SIK3: variants seen among roughly 807,000 people sequenced by gnomAD.
SIK3 encodes SIK family kinase 3, also known as serine/threonine-protein kinase SIK3.
A neutral mutation model predicts 144.2 loss-of-function variants in SIK3; 28 were observed. That is an observed-to-expected ratio of 0.19 (90% CI 0.14 to 0.27). The LOEUF (loss-of-function observed/expected upper bound fraction) is 0.27. SIK3 is among the 10% of genes least tolerant of loss of function. The pLI is 1.00. For synonymous variants in SIK3, 686 were observed against 676.3 expected (o/e 1.01, Z -0.22); for missense variants, 1,319 against 1,776.0 (o/e 0.74, Z 4.62).
intron 1 of SIK3, among the ~76,000 whole-genome samples, chr11:117,062,006 T>C (rs1953815829): frequency 1.3e-5 from 2 of 151,524 alleles, no homozygotes; most frequent in African/African-American, 2.4e-5. Context: ...GATAGGGCAA[T>C]TGGGTATAGA....
At position 117,045,344 on chromosome 11, in the gene SIK3, G is replaced by C. The variant is rs144018203; in HGVS notation, c.273+52799C>G. Reference sequence around the variant, plus strand: ...ACTACAAGAGTATCAGTTTCAGAATGTAAGCCTCATAAGCTCCCAGGAAAG... The same window carrying C: ...ACTACAAGAGTATCAGTTTCAGAATCTAAGCCTCATAAGCTCCCAGGAAAG... On this transcript the variant is annotated intron_variant, in intron 1 of 24. Coordinates refer to ENST00000445177, the MANE Select transcript of SIK3 (RefSeq NM_001366686.3). 6.0e-3 allele frequency among the ~76,000 whole-genome samples: 915 copies of C among 152,274 alleles called. 9 individuals are homozygous for C. Among genetic ancestry groups the C allele is most frequent in the Non-Finnish European group, 0.01 (692 of 68,032 alleles).
intron 3 of SIK3, among the ~76,000 whole-genome samples, chr11:116,941,408 TAAA>T (rs11339061): frequency 1.3e-4 from 18 of 142,708 alleles, no homozygotes; most frequent in Non-Finnish European, 1.4e-4. Flanking sequence ...TAAAAACATG[TAAA>T]AAAAAAAAAA....
chr11:117,083,109 T>C (rs1192795942), intron 1 of SIK3, among the ~76,000 whole-genome samples: 8 of 152,138 alleles, frequency 5.3e-5, no homozygotes, highest in Non-Finnish European at 1.5e-5. Context: ...TAACAACCAT[T>C]GATGTAACCT....
Position 117,013,557 on chromosome 11 carries a change from A to T in SIK3, c.274-56493T>A, listed in dbSNP as rs183142102. 4.2e-3 allele frequency among the ~76,000 whole-genome samples: 634 copies of T among 152,318 alleles called. 3 individuals carry two copies. Among genetic ancestry groups the T allele is most frequent in the Middle Eastern group, 0.02 (6 of 294 alleles). On this transcript the variant is annotated intron_variant, in intron 1 of 24. Transcript: ENST00000445177. ...TGTATTTTTTTGAAAAACTAAGTTAAAACTTTTATTGTAAATCAAAGCTGT... is the reference window on the plus strand; with the variant it reads ...TGTATTTTTTTGAAAAACTAAGTTATAACTTTTATTGTAAATCAAAGCTGT...
chr11:116,849,140 G>C lies in SIK3; in HGVS notation c.3799C>G (p.Gln1267Glu). Residue 1267 changes from glutamine (Q) to glutamate (E), a missense_variant, in exon 22 of 25, where the codon CAG (glutamine) becomes GAG (glutamate). Gln to Glu is a conservative substitution (Grantham distance 29, BLOSUM62 2). Around this residue, in one of 8 missense-constraint regions of SIK3, gnomAD observed 646 missense variants for 763.7 expected, o/e 0.85. Coordinates refer to ENST00000445177, the MANE Select transcript of SIK3 (RefSeq NM_001366686.3). This position sits in a 1 kb window ranked among gnomAD's most constrained non-coding sequence, Gnocchi z 4.2. ...PRALQRHHTI[Q>E]NSDDAYVQLD... ...CATACATAAGCATCGTCGCTGTTCT[G>C]GATCGTGTGGTGTCTCTGGAGGGCC... 3.1e-6 allele frequency: 5 copies of C among 1,607,940 alleles called. No individual in the cohort carries two copies. Among genetic ancestry groups the C allele is most frequent in the Non-Finnish European group, 4.3e-6 (5 of 1,175,906 alleles).
intron 1 of SIK3, among the ~76,000 whole-genome samples, chr11:117,090,991 A>G (rs1591690008): frequency 6.6e-6 from 1 of 152,216 alleles, no homozygotes; most frequent in African/African-American, 2.4e-5. Context: ...GCAAGTGCTC[A>G]GAAGGCAAGG....
At chr11:117,081,227 T>G (rs117033797) in intron 1 of SIK3, among the ~76,000 whole-genome samples, 3,151 of 152,242 alleles carry the variant, frequency 0.021, 50 homozygotes, top group Middle Eastern at 0.031. Flanking sequence ...TCTGGAGAGA[T>G]GAGGAACTTT....
chr11:116,928,937 GA>G (rs1591348948), intron 3 of SIK3, among the ~76,000 whole-genome samples: 2 of 152,174 alleles, frequency 1.3e-5, no homozygotes, highest in Non-Finnish European at 2.9e-5. Context: ...AGAAAAAGGA[GA>G]AAATAAGAAG....
chr11:116,859,236 G>C, intron 20 of SIK3, 29 bp downstream of exon 20: 1 of 1,573,922 alleles, frequency 6.4e-7, no homozygotes, highest in Non-Finnish European at 8.7e-7. Flanking sequence ...CCCATGCATA[G>C]ATGGCTGGGT....
intron 1 of SIK3, among the ~76,000 whole-genome samples, chr11:117,016,399 GGAAGGAAGGAA>G (rs1565559531): frequency 6.5e-5 from 7 of 107,984 alleles, no homozygotes; most frequent in East Asian, 5.8e-4. Flanking sequence ...AGGGAGGGAA[GGAAGGAAGGAA>G]GGAAGGAAGG....
intron 1 of SIK3, among the ~76,000 whole-genome samples, chr11:117,030,477 T>G (rs1375543093): frequency 6.6e-6 from 1 of 152,130 alleles, no homozygotes; most frequent in Non-Finnish European, 1.5e-5. Flanking sequence ...TGATATTGAG[T>G]ATTGTGAAAA....
At chr11:117,046,955 A>G (rs1200543752) in intron 1 of SIK3, among the ~76,000 whole-genome samples, 1 of 152,196 alleles carries the variant, frequency 6.6e-6, no homozygotes, top group Non-Finnish European at 1.5e-5. Flanking sequence ...GCAATCTGAT[A>G]TCCCCCATCC....
intron 7 of SIK3, 100 bp downstream of exon 7, chr11:116,876,824 C>A: frequency 1.1e-6 from 1 of 919,794 alleles, no homozygotes; most frequent in East Asian, 2.5e-5. Context: ...AGTTTGTTCC[C>A]AGTGTCCGCC....
At chr11:117,031,364 T>C (rs1206052463) in intron 1 of SIK3, among the ~76,000 whole-genome samples, 2 of 150,342 alleles carry the variant, frequency 1.3e-5, no homozygotes, top group Admixed American at 6.6e-5. Context: ...TTTCCTTTTT[T>C]CCTTTTTTTT....
intron 6 of SIK3, among the ~76,000 whole-genome samples, chr11:116,880,789 A>G (rs1428694882): frequency 6.6e-6 from 1 of 152,062 alleles, no homozygotes. Context: ...CAAAACATCA[A>G]CTTTTCCAGA....
chr11:116,922,907 C>CTTTTTTTTT (rs202058609), intron 4 of SIK3, among the ~76,000 whole-genome samples: 5 of 102,176 alleles, frequency 4.9e-5, no homozygotes, highest in African/African-American at 7.0e-5. Flanking sequence ...TTTCTTTTCT[C>CTTTTTTTTT]TTTTTTTTTT....
intron 22 of SIK3, 150 bp from the exon 23 acceptor site, chr11:116,847,758 G>GT: frequency 4.5e-6 from 4 of 883,286 alleles, no homozygotes; most frequent in Non-Finnish European, 5.2e-6. Context: ...CACCCAAAGG[G>GT]GGTGCTCCAC....
At chr11:116,882,609 G>A (rs1052041888) in intron 6 of SIK3, among the ~76,000 whole-genome samples, 1 of 152,170 alleles carries the variant, frequency 6.6e-6, no homozygotes, top group African/African-American at 2.4e-5. Flanking sequence ...CTTTGAGCTG[G>A]TGGAAACAGA....
At chr11:116,956,899 C>G (rs757916247) in intron 2 of SIK3, 49 bp downstream of exon 2, 1 of 1,185,412 alleles carries the variant, frequency 8.4e-7, no homozygotes, top group African/African-American at 1.6e-5. Flanking sequence ...GCCATACATA[C>G]AATATTCTGG....
Sources: allele counts gnomAD v4.1 joint callset (sites outside exome capture counted in the v4.1 genomes callset), GRCh38; gene constraint gnomAD v4.1.1; regional missense constraint gnomAD v4.1.1; non-coding constraint Gnocchi (gnomAD v3.1); transcripts MANE v1.5; gene names NCBI Gene and HGNC (gene_info 2026-07-23, HGNC 2026-07-21).